Variants in ZIM2 observed in about 807,000 individuals in gnomAD.
ZIM2 encodes zinc finger protein 656.
ZIM2 carries 14 observed loss-of-function variants against 38.6 expected under a neutral mutation model. The ratio of observed to expected loss-of-function variants is 0.36; its 90% CI spans 0.24 to 0.57. The LOEUF (loss-of-function observed/expected upper bound fraction) is 0.57, where lower values mean the gene tolerates loss of function less well. ZIM2 is among the 20% of genes least tolerant of loss of function. The pLI is 0.81. For synonymous variants in ZIM2, 247 were observed against 245.8 expected (o/e 1.00, Z -0.04); for missense variants, 680 against 695.1 (o/e 0.98, Z 0.24).
chr19:56,785,431 C>A (rs1252543376), intron 10 of ZIM2, among the ~76,000 whole-genome samples: 2 of 151,826 alleles, frequency 1.3e-5, no homozygotes, highest in Non-Finnish European at 2.9e-5. Context: ...TCACAACCCC[C>A]ATGAATTTTT....
chr19:56,786,727 T>C (rs1437601994), intron 10 of ZIM2, among the ~76,000 whole-genome samples: 1 of 152,198 alleles, frequency 6.6e-6, no homozygotes, highest in Non-Finnish European at 1.5e-5. Flanking sequence ...TTTAAATCTT[T>C]GACAATTTCA....
intron 10 of ZIM2, among the ~76,000 whole-genome samples, chr19:56,789,206 T>G (rs138008419): frequency 2.7e-4 from 41 of 152,342 alleles, no homozygotes; most frequent in African/African-American, 9.4e-4. Flanking sequence ...AAATTCAAAC[T>G]TCATAGTTAT....
chr19:56,781,885 ACAC>A lies in ZIM2; in HGVS notation c.739+65_739+67del. On this transcript the variant is annotated intron_variant, in intron 11 of 12. Coordinates refer to ENST00000629319, the MANE Select transcript of ZIM2 (RefSeq NM_001387356.1). ...GTGAACCACCATTACTGATGAGAGG[ACAC>A]GAAGGAGTTGAGAGCTACTGCCCTA... 5.8e-6 allele frequency: 9 copies of A among 1,558,828 alleles called. No homozygotes were observed. The South Asian group carries it at 1.1e-4, about 19-fold the overall frequency.
In ZIM2 at chr19:56,796,547, G is replaced by A. The variant is rs138709129; in HGVS notation, c.491-6596C>T. ...ACCTCTAAGCTGGAGGCTGATCCCC[G>A]CTGGAGAGCGGGTCAGTCCTCTAGG... On this transcript the variant is annotated intron_variant, in intron 9 of 12. Coordinates refer to ENST00000629319, the MANE Select transcript of ZIM2 (RefSeq NM_001387356.1). Among the ~76,000 whole-genome samples the A allele has an allele frequency of 9.6e-3, 1,459 of 152,264 alleles. 20 individuals are homozygous for A. The highest frequency in any genetic ancestry group is 0.034 in the African/African-American group (1,400 of 41,558).
chr19:56,815,293 T>C lies in ZIM2; in HGVS notation c.490+2453A>G, dbSNP rs757313044. ...AGACTTCTCTTGGTCATAGATTTTCTGGTTTGTGTTGAGGTCTTCGCTGGT... is the reference window on the plus strand; with the variant it reads ...AGACTTCTCTTGGTCATAGATTTTCCGGTTTGTGTTGAGGTCTTCGCTGGT... On this transcript the variant is annotated intron_variant, in intron 9 of 12. Transcript: ENST00000629319. 2.2e-5 allele frequency: 36 copies of C among 1,614,138 alleles called. No individual in the cohort carries two copies. Among genetic ancestry groups the C allele is most frequent in the Non-Finnish European group, 2.9e-5 (34 of 1,180,052 alleles).
intron 1 of ZIM2, 88 bp from the exon 2 acceptor site, chr19:56,836,192 A>G (rs1342425979): frequency 1.0e-5 from 4 of 393,296 alleles, no homozygotes; most frequent in Non-Finnish European, 2.1e-5. Flanking sequence ...ACAGTTCCAC[A>G]TTTATCTTCT....
chr19:56,834,265 T>C (rs2061857678), intron 2 of ZIM2, among the ~76,000 whole-genome samples: 1 of 152,048 alleles, frequency 6.6e-6, no homozygotes, highest in Non-Finnish European at 1.5e-5. Context: ...TGAATGGAGT[T>C]TGGGGAGGAC....
chr19:56,794,534 C>T (rs1393423325), intron 9 of ZIM2, among the ~76,000 whole-genome samples: 2 of 152,192 alleles, frequency 1.3e-5, no homozygotes, highest in Admixed American at 1.3e-4. Context: ...TAAGTATTTG[C>T]TCCCAAATTA....
intron 12 of ZIM2, among the ~76,000 whole-genome samples, chr19:56,776,701 T>G (rs1198403958): frequency 6.6e-6 from 1 of 152,172 alleles, no homozygotes; most frequent in Non-Finnish European, 1.5e-5. Context: ...ACCAGATGGG[T>G]CAGAGGTCTG....
At chr19:56,823,863 G>T (rs1157505669) in intron 4 of ZIM2, among the ~76,000 whole-genome samples, 184 bp from the exon 5 acceptor site, 1 of 152,066 alleles carries the variant, frequency 6.6e-6, no homozygotes, top group Non-Finnish European at 1.5e-5. Context: ...AAAACTGGGT[G>T]GGGGGAGCAT....
chr19:56,815,531 A>G lies in ZIM2; in HGVS notation c.490+2215T>C, dbSNP rs1219849257. The G allele has an allele frequency of 2.5e-6, 4 of 1,614,040 alleles. No individual in the cohort carries two copies. In the Admixed American group the frequency reaches 5.0e-5, roughly 20 times the overall value. On this transcript the variant is annotated intron_variant, in intron 9 of 12. Coordinates refer to ENST00000629319, the MANE Select transcript of ZIM2 (RefSeq NM_001387356.1). ...GCAAAGCACTCCCCACACTCCTGAC[A>G]TTCATAGAGCATCCCTCGAGGGCGA...
At chr19:56,820,034 T>C (rs922789693) in intron 7 of ZIM2, among the ~76,000 whole-genome samples, 7 of 152,156 alleles carry the variant, frequency 4.6e-5, no homozygotes, top group Admixed American at 2.6e-4. Context: ...TTTTTTCACA[T>C]GAAAGAAAAA....
At chr19:56,818,853 C>T in intron 7 of ZIM2, 151 bp from the exon 8 acceptor site, 1 of 858,862 alleles carries the variant, frequency 1.2e-6, no homozygotes, top group Admixed American at 2.3e-5. Flanking sequence ...TCAAGTGTTA[C>T]TAGGGACCTA....
intron 9 of ZIM2, chr19:56,816,969 A>G (rs1245203488): frequency 5.0e-6 from 8 of 1,614,090 alleles, no homozygotes; most frequent in South Asian, 1.1e-5. Context: ...CTTCACTGAC[A>G]GCCACACTGT....
intron 9 of ZIM2, chr19:56,811,540 A>G: frequency 2.0e-6 from 2 of 985,316 alleles, no homozygotes; most frequent in Non-Finnish European, 2.4e-6. Context: ...CCTTTTCACT[A>G]GCTGAAGGTT....
chr19:56,779,284 C>A, intron 12 of ZIM2, 93 bp downstream of exon 12: 1 of 1,327,726 alleles, frequency 7.5e-7, no homozygotes, highest in South Asian at 1.3e-5. Flanking sequence ...ACCTACCAGA[C>A]TTCTCCTGGC....
intron 9 of ZIM2, among the ~76,000 whole-genome samples, chr19:56,800,576 TA>T (rs1036641248): frequency 3.5e-4 from 54 of 152,176 alleles, no homozygotes; most frequent in African/African-American, 1.2e-3. Context: ...GTTATTTATT[TA>T]AAAAGGTAGA....
At chr19:56,821,129 T>A (rs1187139109) in intron 7 of ZIM2, among the ~76,000 whole-genome samples, 5 of 152,210 alleles carry the variant, frequency 3.3e-5, no homozygotes, top group Admixed American at 3.3e-4. Flanking sequence ...TGTGTGTGAG[T>A]GACTTTTCAC....
chr19:56,789,080 C>T (rs2046787691), intron 10 of ZIM2, among the ~76,000 whole-genome samples: 3 of 151,862 alleles, frequency 2.0e-5, no homozygotes, highest in Admixed American at 2.0e-4. Context: ...AGCTTCCTTG[C>T]ATTGGGTTAA....
Sources: allele counts gnomAD v4.1 joint callset (sites outside exome capture counted in the v4.1 genomes callset), GRCh38; gene constraint gnomAD v4.1.1; transcripts MANE v1.5; gene names NCBI Gene and HGNC (gene_info 2026-07-23, HGNC 2026-07-21).